ZNRF3: variants seen among roughly 807,000 people sequenced by gnomAD.
ZNRF3 encodes zinc and ring finger 3.
Under a neutral mutation model 72.5 loss-of-function variants are expected in ZNRF3, and 23 were observed. The observed-to-expected ratio is 0.32, with a 90% CI of 0.23 to 0.45. ZNRF3 has a LOEUF of 0.45. ZNRF3 is among the 20% of genes least tolerant of loss of function. The probability of loss-of-function intolerance (pLI) is 1.00; values close to 1 mark genes in which losing one functional copy is unlikely to be tolerated. For synonymous variants in ZNRF3, 610 were observed against 545.3 expected (o/e 1.12, Z -1.65); for missense variants, 1,169 against 1,272.1 (o/e 0.92, Z 1.23).
intron 2 of ZNRF3, chr22:29,026,542 G>C (rs572842892): frequency 2.0e-5 from 3 of 152,068 alleles, no homozygotes; most frequent in Non-Finnish European, 4.4e-5. Flanking sequence ...TCCTGTTATC[G>C]CAGAAGACCC....
chr22:29,046,965 C>A (rs2037085107), intron 6 of ZNRF3, 82 bp downstream of exon 6: 1 of 1,299,674 alleles, frequency 7.7e-7, no homozygotes, highest in Non-Finnish European at 1.0e-6. Flanking sequence ...AAGGACAGGG[C>A]CCTGTGTTCC....
chr22:29,043,249 C>T (rs755482897), intron 3 of ZNRF3, 50 bp from the exon 4 acceptor site: 1 of 1,593,732 alleles, frequency 6.3e-7, no homozygotes, highest in Non-Finnish European at 8.5e-7. Context: ...CTCTCTACTG[C>T]TTCTTAAAGT....
chr22:28,937,499 G>A (rs1052951812), intron 1 of ZNRF3, among the ~76,000 whole-genome samples: 9 of 152,014 alleles, frequency 5.9e-5, no homozygotes, highest in Admixed American at 2.0e-4. Flanking sequence ...CTATTATTGT[G>A]ACTATAAAAG....
At position 29,057,033 on chromosome 22, in the gene ZNRF3, T is replaced by C. The variant is rs1012164348; in HGVS notation, c.*3411T>C. The C allele has an allele frequency of 4.6e-5, 7 of 152,254 alleles. No individual in the cohort carries two copies. The highest frequency in any genetic ancestry group is 1.4e-4 in the African/African-American group (6 of 41,466). The allele number at this position is 152,254 out of a possible 1,614,324, so 9.4% of individuals were successfully genotyped here. On this transcript the variant is annotated 3_prime_UTR_variant, in exon 9 of 9. Coordinates refer to ENST00000544604, the MANE Select transcript of ZNRF3 (RefSeq NM_001206998.2). Reference sequence around the variant, plus strand: ...ATGTAAACTCTTTCTATTGTGTTGGTCTAACAAGGCACTATTTTAAAATTT... The same window carrying C: ...ATGTAAACTCTTTCTATTGTGTTGGCCTAACAAGGCACTATTTTAAAATTT...
At position 28,883,648 on chromosome 22, in the gene ZNRF3, A is replaced by G. The variant is rs1164334087; in HGVS notation, c.-119A>G. On this transcript the variant is annotated 5_prime_UTR_variant, in exon 1 of 9. Coordinates refer to ENST00000544604, the MANE Select transcript of ZNRF3 (RefSeq NM_001206998.2). The surrounding 1 kb of genome is among the most constrained non-coding windows in gnomAD (Gnocchi z 5.5). The stretch of plus-strand genomic sequence containing the variant: ...GAGCCGAGCTGAGCCTGCGACCCAC[A>G]AAGCCGCCGCCGCCGCCGCCGTGAT... The G allele has an allele frequency of 1.1e-5, 11 of 958,680 alleles. No individual in the cohort carries two copies. Among genetic ancestry groups the G allele is most frequent in the African/African-American group, 3.5e-5 (2 of 56,586 alleles). 59.4% of individuals were successfully genotyped at this position (958,680 alleles called of 1,614,324 possible).
chr22:29,050,893 C>T lies in ZNRF3; in HGVS notation c.2712C>T (p.Phe904=), dbSNP rs1476594082. The T allele has an allele frequency of 1.3e-6, 2 of 1,576,450 alleles. No homozygotes were observed. Among genetic ancestry groups the T allele is most frequent in the East Asian group, 2.2e-5 (1 of 44,688 alleles). ...PEEAGAVRAN[F]PSALQDTQES... is the part of the protein sequence containing the mutation. ...AGGCGGGTGCTGTCAGGGCCAACTT[C>T]CCTAGTGCCCTCCAGGACACTCAGG... is the stretch of plus-strand genomic sequence containing the variant. Residue 904 remains phenylalanine (F), a synonymous_variant, in exon 8 of 9, where the codon TTC becomes TTT. Coordinates refer to ENST00000544604, the MANE Select transcript of ZNRF3 (RefSeq NM_001206998.2).
At chr22:28,947,859 T>A (rs1393435879) in intron 1 of ZNRF3, among the ~76,000 whole-genome samples, 3 of 152,168 alleles carry the variant, frequency 2.0e-5, no homozygotes, top group Non-Finnish European at 2.9e-5. Flanking sequence ...ATAACTTTTT[T>A]TTTTGAGATG....
At position 28,994,176 on chromosome 22, in the gene ZNRF3, C is replaced by CTTTTTTTTTTTTTTTTTTTTTTTTT. The variant is rs57329565; in HGVS notation, c.426+6978_426+7002dup. Among the ~76,000 whole-genome samples, 42 of 39,808 alleles carry CTTTTTTTTTTTTTTTTTTTTTTTTT rather than the reference C, an allele frequency of 1.1e-3. 5 individuals are homozygous for CTTTTTTTTTTTTTTTTTTTTTTTTT. Among genetic ancestry groups the CTTTTTTTTTTTTTTTTTTTTTTTTT allele is most frequent in the Admixed American group, 1.6e-3 (4 of 2,560 alleles). 26.1% of individuals were successfully genotyped at this position (39,808 alleles called of 152,430 possible). A position where few individuals can be genotyped will look rare whatever the true frequency, so the allele number is the denominator to read the frequency against. ...TCCTTTATTGTCCTTCAGTTCCTTT[C>CTTTTTTTTTTTTTTTTTTTTTTTTT]TTTTTTTTTTTTTTTTTTTTTTTTT... On this transcript the variant is annotated intron_variant, in intron 2 of 8. Transcript: ENST00000544604.
intron 8 of ZNRF3, among the ~76,000 whole-genome samples, chr22:29,052,855 G>C (rs1262990149): frequency 6.6e-6 from 1 of 152,040 alleles, no homozygotes; most frequent in Non-Finnish European, 1.5e-5. Flanking sequence ...GCTGGGCACG[G>C]TGACACATGC....
intron 1 of ZNRF3, among the ~76,000 whole-genome samples, chr22:28,901,603 T>G (rs1301376500): frequency 2.6e-5 from 4 of 151,224 alleles, no homozygotes; most frequent in Non-Finnish European, 5.9e-5. Context: ...AGTCCTCAAA[T>G]TTTGGGGGCA....
chr22:29,009,111 T>C (rs2123851263), intron 2 of ZNRF3, among the ~76,000 whole-genome samples: 1 of 152,306 alleles, frequency 6.6e-6, no homozygotes, highest in South Asian at 2.1e-4. Flanking sequence ...CAGGACAGGA[T>C]CCTTCAGGTC....
intron 1 of ZNRF3, among the ~76,000 whole-genome samples, chr22:28,975,855 C>G (rs1323014003): frequency 6.6e-6 from 1 of 152,150 alleles, no homozygotes. Context: ...CGCTTCCCCC[C>G]AAATTTGAGC....
intron 1 of ZNRF3, among the ~76,000 whole-genome samples, chr22:28,902,492 C>T (rs1247955664): frequency 6.6e-6 from 1 of 152,106 alleles, no homozygotes; most frequent in Non-Finnish European, 1.5e-5. Flanking sequence ...AAATGATCCT[C>T]CCACCTTAGC....
rs1380715768 is a variant in ZNRF3 at position 29,049,655 on chromosome 22, C to A, written c.1474C>A (p.Pro492Thr). The change falls in exon 8 of 9, where the codon CCC (proline) becomes ACC (threonine). Residue 492 changes from proline to threonine, a missense_variant. Pro to Thr is a conservative substitution (Grantham distance 38). Transcript: ENST00000544604. The surrounding 1 kb of genome is among the most constrained non-coding windows in gnomAD (Gnocchi z 5.2). ...GGGGCAGTCCCCACCTAGCCTCGCA[C>A]CCCGGGGCCCGGCCCGTGCCTTTCC... ...QEGQSPPSLA[P>T]RGPARAFPPS... 3.1e-6 allele frequency: 5 copies of A among 1,609,570 alleles called. No individual in the cohort carries two copies. The highest frequency in any genetic ancestry group is 4.2e-6 in the Non-Finnish European group (5 of 1,179,498).
chr22:28,927,944 C>G (rs1023955881), intron 1 of ZNRF3, among the ~76,000 whole-genome samples: 1 of 152,202 alleles, frequency 6.6e-6, no homozygotes, highest in Non-Finnish European at 1.5e-5. Context: ...GATCTGCTGA[C>G]TGTGCCTTTT....
chr22:29,015,669 A>C (rs55634827), intron 2 of ZNRF3, among the ~76,000 whole-genome samples: 536 of 30,070 alleles, frequency 0.018, 6 homozygotes, highest in African/African-American at 0.049. Context: ...GATTCTGTTT[A>C]AAAAAAAAAA....
At position 29,049,977 on chromosome 22, in the gene ZNRF3, A is replaced by G. The variant is rs1461445290; in HGVS notation, c.1796A>G (p.Tyr599Cys). ...AGCAGCGACTATGACCCCTTCATCT[A>G]CCGCAGCCGGAGCCCCTGTCGTGCC... ...SLSSDYDPFI[Y>C]RSRSPCRASE... Residue 599 changes from tyrosine (Y) to cysteine (C), a missense_variant, in exon 8 of 9, where the codon TAC becomes TGC. This residue lies in a region of ZNRF3 where 783 missense variants were observed against 731.4 expected (regional missense o/e 1.07). Transcript: ENST00000544604. This position sits in a 1 kb window ranked among gnomAD's most constrained non-coding sequence, Gnocchi z 5.2. 6.2e-7 allele frequency: 1 copy of G among 1,612,148 alleles called. No homozygotes were observed.
chr22:28,997,272 A>C (rs1000210387), intron 2 of ZNRF3, among the ~76,000 whole-genome samples: 15 of 152,168 alleles, frequency 9.9e-5, no homozygotes, highest in Admixed American at 7.9e-4. Flanking sequence ...GCACGCTGCA[A>C]CTATTTGGGA....
intron 1 of ZNRF3, among the ~76,000 whole-genome samples, chr22:28,909,757 T>TG: frequency 6.7e-6 from 1 of 150,032 alleles, no homozygotes; most frequent in Non-Finnish European, 1.5e-5. Flanking sequence ...ATTTTTTTTT[T>TG]TTTTTTTTTT....
Sources: gnomAD v4.1 joint callset for allele counts (sites outside exome capture counted in the v4.1 genomes callset) on GRCh38, gnomAD v4.1.1 for gene constraint, gnomAD v4.1.1 regional missense constraint, Gnocchi (gnomAD v3.1) non-coding constraint, MANE v1.5 for transcripts, NCBI Gene and HGNC (gene_info 2026-07-23, HGNC 2026-07-21) for gene names.